Variants in SCML4 observed in about 807,000 individuals in gnomAD.
SCML4 encodes sex comb on midleg-like protein 4.
In SCML4, 34 loss-of-function variants were observed where a neutral mutation model predicts 41.1. That is an observed-to-expected ratio of 0.83 (90% CI 0.63 to 1.10). SCML4 has a LOEUF of 1.10. SCML4 is among the 50% of genes least tolerant of loss of function. The pLI, the probability that SCML4 is intolerant of heterozygous loss-of-function variation, is 0.00. For missense variants in SCML4, 522 were observed against 534.1 expected (o/e 0.98, Z 0.22); for synonymous variants, 214 against 220.9 (o/e 0.97, Z 0.28).
At chr6:107,843,629 G>A in the SCML4 span, among the ~76,000 whole-genome samples, 6 of 152,160 alleles carry the variant, frequency 3.9e-5, no homozygotes, top group East Asian at 1.9e-4. Context: ...TGGCCCTGCC[G>A]GTAACATTTG....
At chr6:107,829,635 G>A in the SCML4 span, among the ~76,000 whole-genome samples, 4 of 152,042 alleles carry the variant, frequency 2.6e-5, no homozygotes, top group East Asian at 1.9e-4. Flanking sequence ...TACCTAATGC[G>A]TGCGGGGCTT....
At chr6:107,792,558 C>T (rs1289542355) in intron 1 of SCML4, among the ~76,000 whole-genome samples, 2 of 151,994 alleles carry the variant, frequency 1.3e-5, no homozygotes, top group Non-Finnish European at 2.9e-5. Flanking sequence ...GGTGAAACCC[C>T]ATCTCTACTA....
chr6:107,708,984 A>T (rs1773967160), intron 6 of SCML4, among the ~76,000 whole-genome samples: 1 of 152,046 alleles, frequency 6.6e-6, no homozygotes, highest in African/African-American at 2.4e-5. Flanking sequence ...TCCCACATTT[A>T]ATTATTCTGA....
At chr6:107,816,614 T>A (rs1300138187) in intron 1 of SCML4, among the ~76,000 whole-genome samples, 1 of 152,200 alleles carries the variant, frequency 6.6e-6, no homozygotes, top group Non-Finnish European at 1.5e-5. Context: ...AATGGAAGGA[T>A]AGAGTCCTGT....
At chr6:107,751,634 CTTTCTTT>C (rs1562218988) in intron 2 of SCML4, among the ~76,000 whole-genome samples, 102 of 136,482 alleles carry the variant, frequency 7.5e-4, no homozygotes, top group African/African-American at 2.8e-3. Flanking sequence ...TTCTTTCTTT[CTTTCTTT>C]CTTTCTTTTT....
chr6:107,726,946 T>C (rs1776044458), intron 5 of SCML4, among the ~76,000 whole-genome samples: 1 of 152,236 alleles, frequency 6.6e-6, no homozygotes, highest in Non-Finnish European at 1.5e-5. Context: ...CATAAAAATC[T>C]GTACATGAAT....
the SCML4 span, among the ~76,000 whole-genome samples, chr6:107,832,534 A>G: frequency 1.3e-5 from 2 of 152,166 alleles, no homozygotes. Flanking sequence ...GAATTGGGCC[A>G]CATCCCATTC....
chr6:107,754,791 A>T (rs1221051231), intron 2 of SCML4, among the ~76,000 whole-genome samples: 2 of 152,328 alleles, frequency 1.3e-5, no homozygotes, highest in East Asian at 3.9e-4. Flanking sequence ...TGACTTTAAC[A>T]TCTAATGTTT....
At chr6:107,781,497 A>C (rs940565181) in intron 1 of SCML4, among the ~76,000 whole-genome samples, 3 of 152,110 alleles carry the variant, frequency 2.0e-5, no homozygotes, top group African/African-American at 7.2e-5. Flanking sequence ...AAATACAAAA[A>C]TTAGCCTAGT....
chr6:107,707,386 C>G (rs36039532), intron 7 of SCML4, among the ~76,000 whole-genome samples: 1 of 152,018 alleles, frequency 6.6e-6, no homozygotes, highest in African/African-American at 2.4e-5. Context: ...AAAAAAATTA[C>G]CATCTCTATA....
At chr6:107,844,935 T>A in the SCML4 span, among the ~76,000 whole-genome samples, 3 of 141,678 alleles carry the variant, frequency 2.1e-5, no homozygotes, top group Admixed American at 6.9e-5. Flanking sequence ...ATATGTATAT[T>A]AAAAAAAAAA....
intron 1 of SCML4, among the ~76,000 whole-genome samples, chr6:107,820,934 TACC>T (rs1784905596): frequency 6.6e-6 from 1 of 152,232 alleles, no homozygotes; most frequent in Non-Finnish European, 1.5e-5. Flanking sequence ...TCAGAAATTT[TACC>T]ACGATTTGGG....
At chr6:107,752,998 C>A (rs1262160020) in intron 2 of SCML4, among the ~76,000 whole-genome samples, 7 of 152,080 alleles carry the variant, frequency 4.6e-5, no homozygotes, top group East Asian at 1.9e-4. Flanking sequence ...AAAGTCAACT[C>A]CTCTTTCAAG....
At chr6:107,765,335 G>A (rs1321738922) in intron 2 of SCML4, among the ~76,000 whole-genome samples, 1 of 152,164 alleles carries the variant, frequency 6.6e-6, no homozygotes, top group Non-Finnish European at 1.5e-5. Flanking sequence ...ATCCCCCAGG[G>A]GCTGGAGCCG....
chr6:107,797,100 T>C (rs373343221), intron 1 of SCML4, among the ~76,000 whole-genome samples: 5 of 152,276 alleles, frequency 3.3e-5, no homozygotes, highest in African/African-American at 1.2e-4. Flanking sequence ...AATCATGTAG[T>C]ATAAATTCTC....
At chr6:107,728,755 A>C (rs1339355777) in intron 5 of SCML4, among the ~76,000 whole-genome samples, 2 of 152,326 alleles carry the variant, frequency 1.3e-5, no homozygotes, top group East Asian at 3.9e-4. Flanking sequence ...AATACCTTCT[A>C]CCCAGGCAAA....
chr6:107,800,306 TC>T (rs1783020559), intron 1 of SCML4, among the ~76,000 whole-genome samples: 1 of 152,234 alleles, frequency 6.6e-6, no homozygotes, highest in Admixed American at 6.5e-5. Context: ...TTTATTTATT[TC>T]CCAGAATCGC....
At position 107,740,091 on chromosome 6, in the gene SCML4, T is replaced by A. The variant is rs1052683896; in HGVS notation, c.682+4858A>T. ...GGTCATTACTTCCAAACCTCCCAGC[T>A]GACTGGGAGGAAAACCAGCTTTCAG... is the stretch of plus-strand genomic sequence containing the variant. On this transcript the variant is annotated intron_variant, in intron 5 of 7. Transcript: ENST00000369020. 4 of 470,592 alleles carry A rather than the reference T, an allele frequency of 8.5e-6. No homozygotes were observed. In the East Asian group the frequency reaches 2.8e-4, roughly 33 times the overall value. The allele number at this position is 470,592 out of a possible 1,614,324, so 29.2% of individuals were successfully genotyped here. A position where few individuals can be genotyped will look rare whatever the true frequency, so the allele number is the denominator to read the frequency against.
intron 1 of SCML4, among the ~76,000 whole-genome samples, chr6:107,821,174 G>A (rs1184217855): frequency 6.6e-6 from 1 of 152,100 alleles, no homozygotes; most frequent in African/African-American, 2.4e-5. Context: ...TGGCTTTTGT[G>A]ACTCATTAAT....
Sources: allele counts gnomAD v4.1 joint callset (sites outside exome capture counted in the v4.1 genomes callset), GRCh38; gene constraint gnomAD v4.1.1; transcripts MANE v1.5; gene names NCBI Gene and HGNC (gene_info 2026-07-23, HGNC 2026-07-21).